The following SRRM2 variants were observed in gnomAD, a reference collection of about 807,000 sequenced individuals.
The protein encoded by SRRM2 is serine/arginine repetitive matrix 2, also known as serine/arginine repetitive matrix protein 2.
A neutral mutation model predicts 213.8 loss-of-function variants in SRRM2; 30 were observed. The ratio of observed to expected loss-of-function variants is 0.14; its 90% CI spans 0.10 to 0.19. The LOEUF is 0.19. SRRM2 is among the 10% of genes least tolerant of loss of function. The pLI is 1.00. For synonymous variants in SRRM2, 2,025 were observed against 1,377.7 expected, an observed-to-expected ratio of 1.47 and a Z score of -10.40; for missense variants, 4,904 against 3,647.0, an observed-to-expected ratio of 1.34 and a Z score of -8.88.
In SRRM2 at chr16:2,757,465, T is replaced by C. The variant is rs1291875698; in HGVS notation, c.243-7T>C. The stretch of plus-strand genomic sequence containing the variant: ...CGAGCTTAACCCTGAAGGGATTTGT[T>C]CTTCAGGTACGAGGAACAGCAAATT... On this transcript the variant is annotated splice_polypyrimidine_tract_variant and splice_region_variant and intron_variant, in intron 2 of 14. Transcript: ENST00000301740. 3 of 1,613,040 alleles carry C rather than the reference T, an allele frequency of 1.9e-6. No homozygotes were observed. Among genetic ancestry groups the C allele is most frequent in the South Asian group, 2.2e-5 (2 of 91,038 alleles).
rs201020156 is a variant in SRRM2, at chr16:2,766,970, G to A, written c.6442G>A (p.Val2148Ile). Residue 2148 changes from valine to isoleucine, a missense_variant, in exon 11 of 15, where the codon GTC becomes ATC. Transcript: ENST00000301740. The surrounding 1 kb of genome is among the most constrained non-coding windows in gnomAD (Gnocchi z 7.0). ...TGGCAGCTCTAGAACACCCATGTCTGTCCTGCAGCAAGCCGGCGGCTCCAT... is the reference window on the plus strand; with the variant it reads ...TGGCAGCTCTAGAACACCCATGTCTATCCTGCAGCAAGCCGGCGGCTCCAT... ...PLGSSRTPMS[V>I]LQQAGGSMMD... 1 of 1,614,080 alleles carries A rather than the reference G, an allele frequency of 6.2e-7. No individual in the cohort carries two copies. The highest frequency in any genetic ancestry group is 1.3e-5 in the African/African-American group (1 of 75,006).
In SRRM2 at chr16:2,769,257, C is replaced by T. The variant is rs1350420821; in HGVS notation, c.7994C>T (p.Pro2665Leu). 5.1e-6 allele frequency: 8 copies of T among 1,567,814 alleles called. 1 individual carries two copies. In the South Asian group the frequency reaches 8.5e-5, roughly 17 times the overall value. Residue 2665 changes from proline (P) to leucine (L), a missense_variant, in exon 12 of 15, where the codon CCC becomes CTC. Coordinates refer to ENST00000301740, the MANE Select transcript of SRRM2 (RefSeq NM_016333.4). ...CAGGCCTTGCCCAAACCTGCAAGCC[C>T]CAAGAAGCCACCCCCTGGCGAGCGG... ...GPQALPKPAS[P>L]KKPPPGERRS...
Position 2,769,114 on chromosome 16 carries a change from A to T in SRRM2, c.7851A>T (p.Ser2617=), listed in dbSNP as rs771504855. 1.2e-6 allele frequency: 2 copies of T among 1,613,096 alleles called. No individual in the cohort carries two copies. The highest frequency in any genetic ancestry group is 1.1e-5 in the South Asian group (1 of 91,048). ...SSSSSSSSSS[S]SSSSSSSSSS... Reference sequence around the variant, plus strand: ...GTTCCAGTTCCAGCTCCTCCTCTTCATCTTCCTCCTCCTCCTCCTCCTCCT... The same window carrying T: ...GTTCCAGTTCCAGCTCCTCCTCTTCTTCTTCCTCCTCCTCCTCCTCCTCCT... The change falls in exon 12 of 15, where the codon TCA becomes TCT. Residue 2617 remains serine, a synonymous_variant. Coordinates refer to ENST00000301740, the MANE Select transcript of SRRM2 (RefSeq NM_016333.4).
Position 2,767,828 on chromosome 16 carries a change from G to A in SRRM2, c.7300G>A (p.Ala2434Thr). ...CTCCCCTTCCTCTAGAATGGGCCAG[G>A]CTCCTTCACAGTCTCTTCTCCCTCC... is the stretch of plus-strand genomic sequence containing the variant. The part of the protein sequence containing the change: ...APSPSSRMGQ[A>T]PSQSLLPPAQ... The change falls in exon 11 of 15, where the codon GCT becomes ACT. Residue 2434 changes from alanine (A) to threonine (T), a missense_variant. Physicochemically the swap from Ala to Thr is moderately conservative, Grantham distance 58. Transcript: ENST00000301740. 1.1e-5 allele frequency: 17 copies of A among 1,613,998 alleles called. No homozygotes were observed. The highest frequency in any genetic ancestry group is 1.3e-5 in the Non-Finnish European group (15 of 1,179,996).
rs1247816348 is a variant in SRRM2 at position 2,767,291 on chromosome 16, A to T, written c.6763A>T (p.Asn2255Tyr). The change falls in exon 11 of 15, where the codon AAC becomes TAC. Residue 2255 changes from asparagine (N) to tyrosine (Y), a missense_variant. By Grantham distance (143) the Asn-to-Tyr change is moderately radical (BLOSUM62 -2). Transcript: ENST00000301740. The part of the protein sequence containing the change: ...ARTPAIPTAV[N>Y]LADSRTPAAA... ...GACACCTGCCATTCCAACAGCAGTG[A>T]ACCTGGCTGACTCTCGAACGCCAGC... is the stretch of plus-strand genomic sequence containing the variant. 1 of 1,613,974 alleles carries T rather than the reference A, an allele frequency of 6.2e-7. No homozygotes were observed. The highest frequency in any genetic ancestry group is 1.3e-5 in the African/African-American group (1 of 74,936).
In SRRM2 at chr16:2,764,662, C is replaced by T. The variant is rs1248777141; in HGVS notation, c.4134C>T (p.Ser1378=). 3 of 1,614,014 alleles carry T rather than the reference C, an allele frequency of 1.9e-6. No homozygotes were observed. The highest frequency in any genetic ancestry group is 1.7e-6 in the Non-Finnish European group (2 of 1,180,060). The part of the protein sequence containing the change: ...SLDMKEQSTR[S]SGHSSSELSP... ...ACATGAAAGAACAATCGACAAGATC[C>T]TCTGGACACAGCAGTTCTGAGTTAT... The change falls in exon 11 of 15, where the codon TCC becomes TCT. Residue 1378 remains serine (S), a synonymous_variant. Transcript: ENST00000301740.
In SRRM2 at chr16:2,767,074, A is replaced by G. The variant is rs755761788; in HGVS notation, c.6546A>G (p.Ala2182=). The G allele has an allele frequency of 3.1e-6, 5 of 1,614,072 alleles. No individual in the cohort carries two copies. Among genetic ancestry groups the G allele is most frequent in the Non-Finnish European group, 4.2e-6 (5 of 1,180,012 alleles). ...AAAATCATGCTCAGTCCAGGATTGC[A>G]CTTGCCCTGACAGCTATCAGTCTTG... The part of the protein sequence containing the change: ...VPENHAQSRI[A]LALTAISLGT... Residue 2182 remains alanine (A), a synonymous_variant, in exon 11 of 15, where the codon GCA becomes GCG. Transcript: ENST00000301740.
At chr16:2,759,256 T>A in intron 7 of SRRM2, 84 bp downstream of exon 7, 4 of 1,602,520 alleles carry the variant, frequency 2.5e-6, no homozygotes, top group Non-Finnish European at 3.4e-6. Context: ...AATTCCTTGA[T>A]CTTCCTTGTG....
rs1275370245 is a variant in SRRM2 at position 2,762,276 on chromosome 16, G to C, written c.1748G>C (p.Arg583Thr). Reference sequence around the variant, plus strand: ...TCTAGAACACCAGCCCGCCGGGGCAGGTCCCGCTCTAGAACACCTGCCAGG... The same window carrying C: ...TCTAGAACACCAGCCCGCCGGGGCACGTCCCGCTCTAGAACACCTGCCAGG... Reference protein sequence around the residue: ...SRSRTPARRGRSRSRTPARRR... With the variant: ...SRSRTPARRGTSRSRTPARRR... The change falls in exon 11 of 15, where the codon AGG becomes ACG. Residue 583 changes from arginine (R) to threonine (T), a missense_variant. By Grantham distance (71) the Arg-to-Thr change is moderately conservative. Transcript: ENST00000301740. The C allele has an allele frequency of 1.2e-6, 2 of 1,614,006 alleles. No individual in the cohort carries two copies. Among genetic ancestry groups the C allele is most frequent in the Non-Finnish European group, 1.7e-6 (2 of 1,180,008 alleles).
At position 2,767,539 on chromosome 16, in the gene SRRM2, C is replaced by G. The variant is rs375049595; in HGVS notation, c.7011C>G (p.Asn2337Lys). ...CACCACAGGCTCCAGCCTCTGCAAA[C>G]CTGGTGGGTCCTCGGTCTGCACATG... is the stretch of plus-strand genomic sequence containing the variant. ...SRTPQAPASA[N>K]LVGPRSAHAT... Residue 2337 changes from asparagine to lysine, a missense_variant, in exon 11 of 15, where the codon AAC becomes AAG. By Grantham distance (94) the Asn-to-Lys change is moderately conservative. Coordinates refer to ENST00000301740, the MANE Select transcript of SRRM2 (RefSeq NM_016333.4). 1.9e-6 allele frequency: 3 copies of G among 1,614,092 alleles called. No individual in the cohort carries two copies. Among genetic ancestry groups the G allele is most frequent in the Non-Finnish European group, 2.5e-6 (3 of 1,180,048 alleles).
In SRRM2 at chr16:2,757,968, T is replaced by C. The variant is rs758221466; in HGVS notation, c.515+23T>C. 2.5e-6 allele frequency: 4 copies of C among 1,591,248 alleles called. No homozygotes were observed. In the African/African-American group the frequency reaches 4.1e-5, roughly 16 times the overall value. ...CAGGTATACAAGGCCAAGAAACCAC[T>C]GTCAGCTTCTTTTCTTGATTGTAAG... On this transcript the variant is annotated intron_variant, in intron 4 of 14. Transcript: ENST00000301740.
In SRRM2 at chr16:2,763,146, T is replaced by C. The variant is rs1219527799; in HGVS notation, c.2618T>C (p.Phe873Ser). ...GTAACGCCACAGAGACGGAGCTGTT[T>C]TGAATCATCACCTGACCCTGAGTTG... is the stretch of plus-strand genomic sequence containing the variant. ...QSVTPQRRSC[F>S]ESSPDPELKS... Residue 873 changes from phenylalanine to serine, a missense_variant, in exon 11 of 15, where the codon TTT becomes TCT. Phe to Ser is a radical substitution (Grantham distance 155, BLOSUM62 -2). Transcript: ENST00000301740. 3 of 1,614,128 alleles carry C rather than the reference T, an allele frequency of 1.9e-6. No individual in the cohort carries two copies. Among genetic ancestry groups the C allele is most frequent in the South Asian group, 1.1e-5 (1 of 91,076 alleles).
rs2068601901 is a variant in SRRM2, at chr16:2,767,984, TCTG to T, written c.7460_7462del (p.Ala2487del). 1.2e-6 allele frequency: 2 copies of T among 1,614,036 alleles called. No individual in the cohort carries two copies. The highest frequency in any genetic ancestry group is 1.7e-6 in the Non-Finnish European group (2 of 1,180,036). ...TGGGGCAGTGGCAACGACCACGTCC[TCTG>T]CTGGTGATCACAATGGCATGCTCTC... On this transcript the variant is annotated inframe_deletion, in exon 11 of 15. Transcript: ENST00000301740.
In SRRM2 at chr16:2,765,279, A is replaced by T; in HGVS notation, c.4751A>T (p.Glu1584Val). ...AGGAGTCGGTCTGGATCATCTCCAG[A>T]GGTTGACAGCAAATCTCGACTATCC... ...RQRSRSGSSP[E>V]VDSKSRLSPR... The change falls in exon 11 of 15, where the codon GAG (glutamate) becomes GTG (valine). Residue 1584 changes from glutamate to valine, a missense_variant. Glu to Val is a moderately radical substitution (Grantham distance 121). Coordinates refer to ENST00000301740, the MANE Select transcript of SRRM2 (RefSeq NM_016333.4). 1 of 1,614,194 alleles carries T rather than the reference A, an allele frequency of 6.2e-7. No homozygotes were observed. Among genetic ancestry groups the T allele is most frequent in the Non-Finnish European group, 8.5e-7 (1 of 1,180,044 alleles).
intron 7 of SRRM2, 36 bp downstream of exon 7, chr16:2,759,208 ATG>A: frequency 6.2e-7 from 1 of 1,611,142 alleles, no homozygotes; most frequent in South Asian, 1.1e-5. Context: ...GCGCAGTGGC[ATG>A]TGGAGTGGTG....
chr16:2,767,498 C>A lies in SRRM2; in HGVS notation c.6970C>A (p.Pro2324Thr). The A allele has an allele frequency of 6.2e-7, 1 of 1,614,202 alleles. No individual in the cohort carries two copies. The highest frequency in any genetic ancestry group is 8.5e-7 in the Non-Finnish European group (1 of 1,180,024). ...CACACCACCAACTGCTGCAAACTAT[C>A]CCTCCAGCTCCAGAACACCACAGGC... Reference protein sequence around the residue: ...SGTPPTAANYPSSSRTPQAPA... With the variant: ...SGTPPTAANYTSSSRTPQAPA... The change falls in exon 11 of 15, where the codon CCC (proline) becomes ACC (threonine). Residue 2324 changes from proline (P) to threonine (T), a missense_variant. Pro to Thr is a conservative substitution (Grantham distance 38). Coordinates refer to ENST00000301740, the MANE Select transcript of SRRM2 (RefSeq NM_016333.4).
rs745325575 is a variant in SRRM2, at chr16:2,761,736, G to C, written c.1208G>C (p.Arg403Pro). The C allele has an allele frequency of 3.7e-6, 6 of 1,611,314 alleles. No individual in the cohort carries two copies. The East Asian group carries it at 1.3e-4, about 36-fold the overall frequency. ...TCTGAGGCCTCTCCAACTCGGGACC[G>C]TTCACCACCTAAGTCTCCCGAGAAA... is the stretch of plus-strand genomic sequence containing the variant. ...PPSEASPTRD[R>P]SPPKSPEKLP... Residue 403 changes from arginine (R) to proline (P), a missense_variant, in exon 11 of 15, where the codon CGT becomes CCT. Physicochemically the swap from Arg to Pro is moderately radical, Grantham distance 103. Transcript: ENST00000301740.
chr16:2,758,726 A>C lies in SRRM2; in HGVS notation c.593+179A>C, dbSNP rs181580527. On this transcript the variant is annotated intron_variant, in intron 5 of 14. Coordinates refer to ENST00000301740, the MANE Select transcript of SRRM2 (RefSeq NM_016333.4). ...TGAGTTTCTCAGTGGGGAAGTGTTGAGTTTGCAGTTCTGCTAATTAAGATT... is the reference window on the plus strand; with the variant it reads ...TGAGTTTCTCAGTGGGGAAGTGTTGCGTTTGCAGTTCTGCTAATTAAGATT... The C allele has an allele frequency of 8.8e-6, 6 of 681,352 alleles. No homozygotes were observed. In the African/African-American group the frequency reaches 9.1e-5, roughly 10 times the overall value. 42.2% of individuals were successfully genotyped at this position (681,352 alleles called of 1,614,324 possible).
rs769744665 is a variant in SRRM2 at position 2,757,598 on chromosome 16, C to G, written c.350+19C>G. The G allele has an allele frequency of 2.1e-5, 34 of 1,607,756 alleles. No individual in the cohort carries two copies. In the South Asian group the frequency reaches 3.2e-4, roughly 15 times the overall value. ...GGCCAGCGTGAGTGTTGCGCTCTCC[C>G]TCGATGACTCTGGACTCTACTCTGG... On this transcript the variant is annotated intron_variant, in intron 3 of 14. Transcript: ENST00000301740.
Sources: allele counts gnomAD v4.1 joint callset, GRCh38; gene constraint gnomAD v4.1.1; non-coding constraint Gnocchi (gnomAD v3.1); transcripts MANE v1.5; gene names NCBI Gene and HGNC (gene_info 2026-07-23, HGNC 2026-07-21).